Variants in SCUBE2 observed in about 807,000 individuals in gnomAD.
SCUBE2 encodes the protein signal peptide, CUB and EGF-like domain-containing protein 2.
In SCUBE2, 114 loss-of-function variants were observed where a neutral mutation model predicts 125.9. The ratio of observed to expected loss-of-function variants is 0.91; its 90% confidence interval spans 0.78 to 1.06. The LOEUF (loss-of-function observed/expected upper bound fraction) is 1.06. SCUBE2 is among the 50% of genes least tolerant of loss of function. The probability of loss-of-function intolerance (pLI) is 0.00; values close to 1 mark genes in which losing one functional copy is unlikely to be tolerated. For synonymous variants in SCUBE2, 459 were observed against 492.9 expected (o/e 0.93, Z 0.91); for missense variants, 1,255 against 1,301.8 (o/e 0.96, Z 0.55).
At chr11:9,022,471 C>A (rs1855389991) in intron 21 of SCUBE2, 1 of 155,824 alleles carries the variant, frequency 6.4e-6, no homozygotes, top group Non-Finnish European at 1.4e-5. Flanking sequence ...GTCTCTAATT[C>A]TTTTCCTTTC....
chr11:9,055,615 T>C (rs1394123643), intron 10 of SCUBE2, among the ~76,000 whole-genome samples, 178 bp downstream of exon 10: 1 of 152,226 alleles, frequency 6.6e-6, no homozygotes, highest in Non-Finnish European at 1.5e-5. Flanking sequence ...GGGATACATG[T>C]GGGGAGATTT....
At chr11:9,086,405 G>C (rs528179779) in intron 2 of SCUBE2, among the ~76,000 whole-genome samples, 1 of 152,186 alleles carries the variant, frequency 6.6e-6, no homozygotes, top group Non-Finnish European at 1.5e-5. Context: ...TTGGTCCCAA[G>C]AGGCTCAAAA....
At chr11:9,043,466 T>C in intron 16 of SCUBE2, among the ~76,000 whole-genome samples, 1 of 151,638 alleles carries the variant, frequency 6.6e-6, no homozygotes, top group East Asian at 1.9e-4. Context: ...TATAATCATT[T>C]TTTTTTTTTG....
intron 16 of SCUBE2, among the ~76,000 whole-genome samples, chr11:9,042,718 G>A (rs565365492): frequency 6.6e-6 from 1 of 152,318 alleles, no homozygotes; most frequent in South Asian, 2.1e-4. Flanking sequence ...AGGGCATGGT[G>A]AGATGAGGGA....
intron 6 of SCUBE2, among the ~76,000 whole-genome samples, chr11:9,066,273 T>A (rs1432334620): frequency 6.6e-6 from 1 of 152,170 alleles, no homozygotes; most frequent in Non-Finnish European, 1.5e-5. Flanking sequence ...AAAAAGAGCC[T>A]TGGGCCTGGA....
intron 16 of SCUBE2, among the ~76,000 whole-genome samples, chr11:9,037,133 T>C (rs994270204): frequency 6.6e-6 from 1 of 152,216 alleles, no homozygotes; most frequent in Non-Finnish European, 1.5e-5. Context: ...TCTTTGCAAA[T>C]GTGCTGAGAA....
At chr11:9,049,390 C>T (rs1280077953) in intron 14 of SCUBE2, among the ~76,000 whole-genome samples, 1 of 152,050 alleles carries the variant, frequency 6.6e-6, no homozygotes, top group East Asian at 1.9e-4. Flanking sequence ...ACTACAGGCA[C>T]AAACCACTAG....
In SCUBE2 at chr11:9,024,387, GTGTT is replaced by G. The variant is rs1322971192; in HGVS notation, c.2854+1311_2854+1314del. 8.5e-6 allele frequency: 11 copies of G among 1,288,408 alleles called. No homozygotes were observed. In the East Asian group the frequency reaches 3.3e-4, roughly 39 times the overall value. 79.8% of individuals were successfully genotyped at this position (1,288,408 alleles called of 1,614,324 possible). A position where few individuals can be genotyped will look rare whatever the true frequency, so the allele number is the denominator to read the frequency against. Reference sequence around the variant, plus strand: ...GAGATACTAAAACTCCTTGTCTTGGGTGTTTGTTTGACATTATTTCAGGCATCTG... The same window carrying G: ...GAGATACTAAAACTCCTTGTCTTGGGTGTTTGACATTATTTCAGGCATCTG... On this transcript the variant is annotated intron_variant, in intron 21 of 22. Transcript: ENST00000649792.
chr11:9,066,247 C>T (rs1403311552), intron 6 of SCUBE2, among the ~76,000 whole-genome samples: 2 of 152,170 alleles, frequency 1.3e-5, no homozygotes, highest in African/African-American at 2.4e-5. Flanking sequence ...AAGCTTCAGT[C>T]CCCTGAGTCG....
chr11:9,083,452 G>A (rs1036152204), intron 2 of SCUBE2, among the ~76,000 whole-genome samples: 1 of 152,108 alleles, frequency 6.6e-6, no homozygotes, highest in Non-Finnish European at 1.5e-5. Context: ...TATCTCTCCC[G>A]TGTATTAGGA....
rs1195215043 is a variant in SCUBE2 at position 9,021,881 on chromosome 11, G to A, written c.2929C>T (p.Leu977Phe). Residue 977 changes from leucine (L) to phenylalanine (F), a missense_variant, in exon 22 of 23, where the codon CTT (leucine) becomes TTT (phenylalanine). By Grantham distance (22) the Leu-to-Phe change is conservative (BLOSUM62 0). This residue lies in a region of SCUBE2 where 515 missense variants were observed against 515.7 expected (regional missense o/e 1.00). Transcript: ENST00000649792. ...CACCTGAGCCAGGCACTCACCTTAAGTATTTCCTGATGGTTCTCAGATGCA... is the reference window on the plus strand; with the variant it reads ...CACCTGAGCCAGGCACTCACCTTAAATATTTCCTGATGGTTCTCAGATGCA... ...LYASENHQEI[L>F]KDKKLIKALF... is the part of the protein sequence containing the mutation. 1.2e-6 allele frequency: 2 copies of A among 1,612,492 alleles called. No homozygotes were observed. The highest frequency in any genetic ancestry group is 2.2e-5 in the East Asian group (1 of 44,882).
At chr11:9,066,019 T>C (rs1860191978) in intron 6 of SCUBE2, 39 bp from the exon 7 acceptor site, 1 of 1,404,294 alleles carries the variant, frequency 7.1e-7, no homozygotes, top group Non-Finnish European at 1.0e-6. Context: ...TCAGACTGAA[T>C]GAGTTAGATT....
intron 3 of SCUBE2, 147 bp from the exon 4 acceptor site, chr11:9,074,762 G>T: frequency 1.0e-6 from 1 of 963,006 alleles, no homozygotes; most frequent in Non-Finnish European, 1.6e-6. Context: ...AGCCGGTAAG[G>T]TCCACAGACA....
intron 11 of SCUBE2, 143 bp downstream of exon 11, chr11:9,053,493 TG>T: frequency 1.0e-6 from 1 of 972,430 alleles, no homozygotes; most frequent in Non-Finnish European, 1.5e-6. Context: ...CTCCTGTTTT[TG>T]AACTATTTAA....
At chr11:9,059,476 C>A in intron 8 of SCUBE2, 51 bp from the exon 9 acceptor site, 1 of 1,578,948 alleles carries the variant, frequency 6.3e-7, no homozygotes, top group South Asian at 1.1e-5. Context: ...TGCCTCATTT[C>A]CCACAACTCC....
chr11:9,089,886 C>T, intron 1 of SCUBE2, 57 bp from the exon 2 acceptor site: 1 of 1,587,532 alleles, frequency 6.3e-7, no homozygotes, highest in Middle Eastern at 1.9e-4. Flanking sequence ...TGTGATCTGG[C>T]CTCGGCCCTG....
chr11:9,043,535 C>T (rs1857427437), intron 16 of SCUBE2, among the ~76,000 whole-genome samples: 1 of 151,532 alleles, frequency 6.6e-6, no homozygotes, highest in Non-Finnish European at 1.5e-5. Flanking sequence ...CAGGCTGTCC[C>T]CAAAGTCCCC....
intron 17 of SCUBE2, among the ~76,000 whole-genome samples, chr11:9,031,804 GCTAT>G (rs768424566): frequency 1.7e-4 from 26 of 152,192 alleles, no homozygotes; most frequent in Non-Finnish European, 3.1e-4. Context: ...ATCAAAATCT[GCTAT>G]CTATCTCTTA....
At chr11:9,088,931 C>T (rs76599046) in intron 2 of SCUBE2, among the ~76,000 whole-genome samples, 2,201 of 152,232 alleles carry the variant, frequency 0.014, 44 homozygotes, top group African/African-American at 0.05. Flanking sequence ...CTCCTCTGGC[C>T]CTCAGTGTCC....
Sources: gnomAD v4.1 joint callset for allele counts (sites outside exome capture counted in the v4.1 genomes callset) on GRCh38, gnomAD v4.1.1 for gene constraint, gnomAD v4.1.1 regional missense constraint, MANE v1.5 for transcripts, NCBI Gene and HGNC (gene_info 2026-07-23, HGNC 2026-07-21) for gene names.